The following CATSPERB variants were observed in gnomAD, a reference collection of about 807,000 sequenced individuals.
CATSPERB encodes the protein cation channel sperm-associated auxiliary subunit beta.
A neutral mutation model predicts 128.3 loss-of-function variants in CATSPERB; 93 were observed. The observed-to-expected ratio is 0.72, with a 90% CI of 0.61 to 0.86. The LOEUF (loss-of-function observed/expected upper bound fraction) is 0.86, where lower values mean the gene tolerates loss of function less well. CATSPERB is among the 40% of genes least tolerant of loss of function. The pLI is 0.00. For missense variants in CATSPERB, 1,153 were observed against 1,329.5 expected (o/e 0.87, Z 2.06); for synonymous variants, 381 against 448.8 (o/e 0.85, Z 1.91).
At chr14:91,633,324 T>C (rs977392153) in intron 17 of CATSPERB, among the ~76,000 whole-genome samples, 1 of 152,104 alleles carries the variant, frequency 6.6e-6, no homozygotes, top group Non-Finnish European at 1.5e-5. Context: ...CCATAATGAA[T>C]GGCCTAGTCC....
rs535507361 is a variant in CATSPERB, at chr14:91,596,979, T to A, written c.2710-4977A>T. 2.6e-3 allele frequency among the ~76,000 whole-genome samples: 388 copies of A among 151,762 alleles called. 5 individuals are homozygous for A. Among genetic ancestry groups the A allele is most frequent in the Non-Finnish European group, 8.7e-4 (59 of 67,900 alleles). On this transcript the variant is annotated intron_variant, in intron 22 of 26. Transcript: ENST00000256343. ...TCGGCTCACTGCAAGCTCCACCTCC[T>A]GGGTTCACTCCATTCTCCTGCCTCA...
Position 91,704,787 on chromosome 14 carries a change from A to G in CATSPERB, c.467-86T>C, listed in dbSNP as rs963282824. The G allele has an allele frequency of 6.6e-6, 9 of 1,372,598 alleles. No individual in the cohort carries two copies. The Admixed American group carries it at 1.1e-4, about 16-fold the overall frequency. The allele number at this position is 1,372,598 out of a possible 1,614,324, so 85.0% of individuals were successfully genotyped here. A position where few individuals can be genotyped will look rare whatever the true frequency, so the allele number is the denominator to read the frequency against. On this transcript the variant is annotated intron_variant, in intron 6 of 26. Transcript: ENST00000256343. ...TTCCTTTAAAGGTTTTAAAAGAACT[A>G]TGTAAAGAAACTATTCTATAGTTCA...
Position 91,586,546 on chromosome 14 carries a change from GGAGAGAGAGAGA to G in CATSPERB, c.3132+644_3132+655del, listed in dbSNP as rs759345481. Among the ~76,000 whole-genome samples, 910 of 117,988 alleles carry G rather than the reference GGAGAGAGAGAGA, an allele frequency of 7.7e-3. 3 individuals carry two copies. Among genetic ancestry groups the G allele is most frequent in the Non-Finnish European group, 0.011 (655 of 57,732 alleles). 77.4% of individuals were successfully genotyped at this position (117,988 alleles called of 152,430 possible). ...CTGGCCTTAGAGCTGGGCCGGAACA[GGAGAGAGAGAGA>G]GAGAGAGAGAGAAAGAGAGAGAGAG... is the stretch of plus-strand genomic sequence containing the variant. On this transcript the variant is annotated intron_variant, in intron 26 of 26. Coordinates refer to ENST00000256343, the MANE Select transcript of CATSPERB (RefSeq NM_024764.4).
chr14:91,709,765 T>C (rs1895805827), intron 5 of CATSPERB: 1 of 153,072 alleles, frequency 6.5e-6, no homozygotes, highest in South Asian at 2.0e-4. Flanking sequence ...CAATAAGTAC[T>C]GATGAAAGCC....
At chr14:91,608,071 G>C (rs1177005290) in intron 22 of CATSPERB, among the ~76,000 whole-genome samples, 1 of 152,192 alleles carries the variant, frequency 6.6e-6, no homozygotes, top group Non-Finnish European at 1.5e-5. Context: ...GAAGCAGGGA[G>C]AGTCAAGGGG....
chr14:91,682,740 C>CTT (rs1439268609), intron 11 of CATSPERB, among the ~76,000 whole-genome samples: 3 of 152,192 alleles, frequency 2.0e-5, no homozygotes, highest in African/African-American at 7.2e-5. Context: ...CACTAGCCAT[C>CTT]TTTTTCCCCC....
intron 17 of CATSPERB, among the ~76,000 whole-genome samples, chr14:91,625,898 G>A (rs1240260740): frequency 6.6e-6 from 1 of 152,208 alleles, no homozygotes; most frequent in Non-Finnish European, 1.5e-5. Context: ...GCTGAGGCAG[G>A]CAGATTGGTT....
chr14:91,711,920 T>A (rs951490955), intron 5 of CATSPERB, among the ~76,000 whole-genome samples: 1 of 152,066 alleles, frequency 6.6e-6, no homozygotes, highest in Non-Finnish European at 1.5e-5. Flanking sequence ...CAGAAAGACA[T>A]CTGAAAAATT....
intron 15 of CATSPERB, among the ~76,000 whole-genome samples, chr14:91,642,884 A>G (rs891121465): frequency 2.9e-5 from 4 of 140,312 alleles, no homozygotes; most frequent in African/African-American, 1.1e-4. Context: ...CCACAATTTC[A>G]GCTCCTGTTA....
intron 19 of CATSPERB, among the ~76,000 whole-genome samples, chr14:91,619,996 A>G (rs1894013687): frequency 6.6e-6 from 1 of 151,546 alleles, no homozygotes; most frequent in Non-Finnish European, 1.5e-5. Context: ...TCGGCCTCCC[A>G]AAGTGCTGGG....
chr14:91,591,945 T>G lies in CATSPERB; in HGVS notation c.2767A>C (p.Thr923Pro). ...GCATGTGAAAACTTCTGATCCTTTGTGCAGTTACACTCCTCCCGAGTGGAA... is the reference window on the plus strand; with the variant it reads ...GCATGTGAAAACTTCTGATCCTTTGGGCAGTTACACTCCTCCCGAGTGGAA... ...NVSTREECNCTKDQKFSHAVA... is the reference protein window; with the variant it reads ...NVSTREECNCPKDQKFSHAVA... The change falls in exon 23 of 27, where the codon ACA (threonine) becomes CCA (proline). Residue 923 changes from threonine to proline, a missense_variant. Physicochemically the swap from Thr to Pro is conservative, Grantham distance 38. Transcript: ENST00000256343. 6.2e-7 allele frequency: 1 copy of G among 1,614,182 alleles called. No individual in the cohort carries two copies. The highest frequency in any genetic ancestry group is 1.1e-5 in the South Asian group (1 of 91,088).
Position 91,669,893 on chromosome 14 carries a change from C to A in CATSPERB, c.1208G>T (p.Arg403Leu), listed in dbSNP as rs138924451. The A allele has an allele frequency of 3.1e-6, 5 of 1,613,418 alleles. No individual in the cohort carries two copies. The highest frequency in any genetic ancestry group is 4.2e-6 in the Non-Finnish European group (5 of 1,179,814). The stretch of plus-strand genomic sequence containing the variant: ...GGGAGAAGAGAATGATGAAGGAAAC[C>A]GAAAAATTGGAAATTTTGATTGTGA... ...PNSQSKFPIF[R>L]FPSSFSSPVG... Residue 403 changes from arginine to leucine, a missense_variant, in exon 14 of 27, where the codon CGG (arginine) becomes CTG (leucine). Physicochemically the swap from Arg to Leu is moderately radical, Grantham distance 102 (BLOSUM62 -2). Coordinates refer to ENST00000256343, the MANE Select transcript of CATSPERB (RefSeq NM_024764.4).
At chr14:91,645,709 A>G (rs375659155) in intron 15 of CATSPERB, among the ~76,000 whole-genome samples, 42 of 133,284 alleles carry the variant, frequency 3.2e-4, no homozygotes, top group Middle Eastern at 3.9e-3. Context: ...AGGCAGGCAG[A>G]CCTCCTTGAG....
At chr14:91,602,540 G>A (rs890597233) in intron 22 of CATSPERB, among the ~76,000 whole-genome samples, 2 of 152,028 alleles carry the variant, frequency 1.3e-5, no homozygotes, top group African/African-American at 4.8e-5. Context: ...TAAGAGAGAT[G>A]GCAGAAGGGT....
chr14:91,639,039 G>C, intron 16 of CATSPERB, 57 bp downstream of exon 16: 2 of 1,413,092 alleles, frequency 1.4e-6, no homozygotes, highest in South Asian at 1.2e-5. Flanking sequence ...TCTATGTATT[G>C]AATGTGGCAT....
intron 15 of CATSPERB, 49 bp from the exon 16 acceptor site, chr14:91,639,299 G>A (rs1704630): frequency 0.19 from 288,503 of 1,524,308 alleles, 28,595 homozygotes; most frequent in South Asian, 0.23. Context: ...AACAGAAGTC[G>A]AAAAACTTTA....
intron 14 of CATSPERB, among the ~76,000 whole-genome samples, chr14:91,661,822 C>A (rs1447579600): frequency 6.6e-6 from 1 of 152,084 alleles, no homozygotes; most frequent in Admixed American, 6.6e-5. Flanking sequence ...CTGCATCTAG[C>A]CACATTTCTA....
chr14:91,651,605 C>T (rs1630893), intron 15 of CATSPERB, among the ~76,000 whole-genome samples: 119,312 of 152,084 alleles, frequency 0.78, 47,016 homozygotes, highest in East Asian at 0.92. Context: ...GTTGCTTACA[C>T]ACTTAATGAG....
intron 17 of CATSPERB, among the ~76,000 whole-genome samples, chr14:91,633,819 AAT>A (rs1039832393): frequency 6.0e-5 from 9 of 150,146 alleles, no homozygotes; most frequent in South Asian, 2.1e-4. Flanking sequence ...GAAATGCTTA[AAT>A]ATATATATAT....
Sources: gnomAD v4.1 joint callset for allele counts (sites outside exome capture counted in the v4.1 genomes callset) on GRCh38, gnomAD v4.1.1 for gene constraint, MANE v1.5 for transcripts, NCBI Gene and HGNC (gene_info 2026-07-23, HGNC 2026-07-21) for gene names.